Variants in LONP1 observed in about 807,000 individuals in gnomAD.
LONP1 encodes the protein lon protease homolog, mitochondrial.
LONP1 carries 31 observed loss-of-function variants against 98.5 expected under a neutral mutation model. The observed-to-expected ratio is 0.31, with a 90% CI of 0.24 to 0.42. LONP1 has a LOEUF of 0.42. Ranked by LOEUF, LONP1 falls within the 20% of genes least tolerant of loss-of-function variation. LONP1 has a pLI of 1.00. For synonymous variants in LONP1, 781 were observed against 594.7 expected, an observed-to-expected ratio of 1.31 and a Z score of -4.56; for missense variants, 1,336 against 1,350.6, an observed-to-expected ratio of 0.99 and a Z score of 0.17.
In LONP1 at chr19:5,711,752, G is replaced by A. The variant is rs2055240230; in HGVS notation, c.870+19C>T. ...TGGGGGAGGCAGCTGTGGCCGCCCT[G>A]CGTGACGCACGGACTCACTTTCACC... On this transcript the variant is annotated intron_variant, in intron 4 of 17. Coordinates refer to ENST00000360614, the MANE Select transcript of LONP1 (RefSeq NM_004793.4). 2 of 1,592,636 alleles carry A rather than the reference G, an allele frequency of 1.3e-6. No individual in the cohort carries two copies. The highest frequency in any genetic ancestry group is 8.6e-7 in the Non-Finnish European group (1 of 1,165,454).
In LONP1 at chr19:5,696,664, A is replaced by C. The variant is rs747368479; in HGVS notation, c.1773+6T>G. ...TTAGGGGGTCTCCGGGCCTCTCCGC[A>C]CGCACCTCGTCGATGAGGATCAGGG... On this transcript the variant is annotated splice_donor_region_variant and intron_variant, in intron 11 of 17. Transcript: ENST00000360614. The C allele has an allele frequency of 6.2e-7, 1 of 1,612,864 alleles. No individual in the cohort carries two copies. Among genetic ancestry groups the C allele is most frequent in the Admixed American group, 1.7e-5 (1 of 59,992 alleles).
rs1351014397 is a variant in LONP1 at position 5,716,253 on chromosome 19, AATATACATATATATATAT to A, written c.430-2000_430-1983del. ...ATTCTTTATTATATAATAAAGTTAA[AATATACATATATATATAT>A]ATATATATATATATATATATATATA... On this transcript the variant is annotated intron_variant, in intron 1 of 17. Coordinates refer to ENST00000360614, the MANE Select transcript of LONP1 (RefSeq NM_004793.4). 2.2e-4 allele frequency among the ~76,000 whole-genome samples: 16 copies of A among 71,730 alleles called. No homozygotes were observed. In the South Asian group the frequency reaches 2.3e-3, roughly 10 times the overall value. 47.1% of individuals were successfully genotyped at this position (71,730 alleles called of 152,430 possible). A position where few individuals can be genotyped will look rare whatever the true frequency, so the allele number is the denominator to read the frequency against.
rs116197957 is a variant in LONP1, at chr19:5,694,664, C to T, written c.2154+97G>A. The T allele has an allele frequency of 0.013, 20,723 of 1,562,186 alleles. 154 individuals carry two copies. Among genetic ancestry groups the T allele is most frequent in the Non-Finnish European group, 0.015 (17,612 of 1,148,022 alleles). On this transcript the variant is annotated intron_variant, in intron 14 of 17. Coordinates refer to ENST00000360614, the MANE Select transcript of LONP1 (RefSeq NM_004793.4). Reference sequence around the variant, plus strand: ...GGGCGCGGGGTGGTGGGGTGATGGGCGCAGGAAAGTGGGATGATGGGCATG... The same window carrying T: ...GGGCGCGGGGTGGTGGGGTGATGGGTGCAGGAAAGTGGGATGATGGGCATG...
In LONP1 at chr19:5,696,185, A is replaced by C. The variant is rs759124768; in HGVS notation, c.1897-15T>G. 1 of 1,612,778 alleles carries C rather than the reference A, an allele frequency of 6.2e-7. No individual in the cohort carries two copies. The highest frequency in any genetic ancestry group is 8.5e-7 in the Non-Finnish European group (1 of 1,179,800). ...ATGAACAGCACCTGGGGGCGGCGGC[A>C]AGGTGCTGGGGGACTGGCCGCTTAC... On this transcript the variant is annotated splice_polypyrimidine_tract_variant and intron_variant, in intron 12 of 17. Coordinates refer to ENST00000360614, the MANE Select transcript of LONP1 (RefSeq NM_004793.4).
rs1269536021 is a variant in LONP1, at chr19:5,691,925, C to G, written c.*107G>C. 4 of 1,315,800 alleles carry G rather than the reference C, an allele frequency of 3.0e-6. No individual in the cohort carries two copies. The Admixed American group carries it at 7.1e-5, about 23-fold the overall frequency. 81.5% of individuals were successfully genotyped at this position (1,315,800 alleles called of 1,614,324 possible). ...CTGGGATCTGGGTCACTGGACCGAG[C>G]TGCTCGCTCGGTGGCTCCACTGCCA... On this transcript the variant is annotated 3_prime_UTR_variant, in exon 18 of 18. Coordinates refer to ENST00000360614, the MANE Select transcript of LONP1 (RefSeq NM_004793.4).
intron 10 of LONP1, among the ~76,000 whole-genome samples, chr19:5,697,679 T>C (rs1478038246): frequency 6.6e-6 from 1 of 151,412 alleles, no homozygotes; most frequent in Non-Finnish European, 1.5e-5. Flanking sequence ...GTGGGAGCCC[T>C]GGAGAGCTGG....
At chr19:5,706,897 G>A (rs2055154229) in intron 7 of LONP1, among the ~76,000 whole-genome samples, 163 bp downstream of exon 7, 3 of 152,222 alleles carry the variant, frequency 2.0e-5, no homozygotes, top group Admixed American at 6.5e-5. Context: ...AGCCCAGGAC[G>A]ACAGAGCAGA....
At chr19:5,699,901 G>A (rs2055010665) in intron 9 of LONP1, among the ~76,000 whole-genome samples, 1 of 151,812 alleles carries the variant, frequency 6.6e-6, no homozygotes, top group African/African-American at 2.4e-5. Flanking sequence ...CTGCCTGCCT[G>A]GTTTCCAATG....
In LONP1 at chr19:5,705,801, G is replaced by A; in HGVS notation, c.1338C>T (p.Gly446=). Residue 446 remains glycine, a synonymous_variant, in exon 8 of 18, where the codon GGC becomes GGT. Transcript: ENST00000360614. ...DVVDEELSKL[G]LLDNHSSEFN... ...ACTCCGAGGAGTGGTTGTCCAGCAG[G>A]CCCAGCTTGCTCAGCTCCTCGTCCA... 1.2e-6 allele frequency: 2 copies of A among 1,614,000 alleles called. No homozygotes were observed. Among genetic ancestry groups the A allele is most frequent in the Non-Finnish European group, 1.7e-6 (2 of 1,180,028 alleles).
intron 8 of LONP1, among the ~76,000 whole-genome samples, chr19:5,704,273 G>A (rs768084015): frequency 7.9e-5 from 12 of 152,328 alleles, no homozygotes; most frequent in Middle Eastern, 3.4e-3. Context: ...GGACGGGCCC[G>A]GCCCACAGCG....
intron 3 of LONP1, 44 bp downstream of exon 3, chr19:5,713,090 G>A (rs2055262399): frequency 6.2e-7 from 1 of 1,612,706 alleles, no homozygotes; most frequent in Non-Finnish European, 8.5e-7. Flanking sequence ...TCTCCCGCGT[G>A]GTACTCTGCC....
chr19:5,696,997 A>C lies in LONP1; in HGVS notation c.1686-240T>G, dbSNP rs918784854. On this transcript the variant is annotated intron_variant, in intron 10 of 17. Transcript: ENST00000360614. ...ACTGATTCAAAGCCAGATCTCCCTC[A>C]GTCCCATCCCTCAGCTGACACCATG... 3.3e-5 allele frequency among the ~76,000 whole-genome samples: 5 copies of C among 152,290 alleles called. No individual in the cohort carries two copies. In the East Asian group the frequency reaches 5.8e-4, roughly 18 times the overall value.
rs568829891 is a variant in LONP1 at position 5,699,988 on chromosome 19, G to A, written c.1507-783C>T. Among the ~76,000 whole-genome samples the A allele has an allele frequency of 5.3e-5, 8 of 152,286 alleles. No homozygotes were observed. In the South Asian group the frequency reaches 1.7e-3, roughly 32 times the overall value. On this transcript the variant is annotated intron_variant, in intron 9 of 17. Transcript: ENST00000360614. ...AAGGTCTCGCTCTGTCACCCAGGCT[G>A]GAGTGTAGTGGTGCATCACAGCTCA...
chr19:5,707,638 G>C (rs1167672419), intron 6 of LONP1, 59 bp downstream of exon 6: 1 of 1,570,428 alleles, frequency 6.4e-7, no homozygotes, highest in Non-Finnish European at 8.7e-7. Context: ...CGTGGGCGGA[G>C]CATAGTGGAG....
chr19:5,706,019 C>T, intron 7 of LONP1, 27 bp from the exon 8 acceptor site: 6 of 1,570,198 alleles, frequency 3.8e-6, no homozygotes, highest in African/African-American at 1.3e-5. Flanking sequence ...TGCCATCAGG[C>T]CCTGGCTCCG....
intron 1 of LONP1, among the ~76,000 whole-genome samples, chr19:5,715,667 AAAAAAAAAAAAAG>A (rs1286609252): frequency 3.0e-5 from 4 of 132,868 alleles, no homozygotes; most frequent in Non-Finnish European, 6.6e-5. Context: ...AAAAAAAAAA[AAAAAAAAAAAAAG>A]AAAGTTTCAC....
chr19:5,701,872 T>C (rs938161463), intron 8 of LONP1, among the ~76,000 whole-genome samples: 4 of 148,412 alleles, frequency 2.7e-5, no homozygotes, highest in Admixed American at 2.7e-4. Context: ...CCGCCCATCA[T>C]CTGAGATGTG....
At chr19:5,700,188 A>C (rs377352787) in intron 9 of LONP1, among the ~76,000 whole-genome samples, 1 of 152,088 alleles carries the variant, frequency 6.6e-6, no homozygotes, top group Non-Finnish European at 1.5e-5. Context: ...ATCTGGGCTC[A>C]CTGCAACCTC....
At chr19:5,700,085 C>T (rs979332411) in intron 9 of LONP1, among the ~76,000 whole-genome samples, 5 of 151,870 alleles carry the variant, frequency 3.3e-5, no homozygotes, top group South Asian at 2.1e-4. Context: ...ACTGCAGACA[C>T]GCAACATCAC....
Sources: allele counts gnomAD v4.1 joint callset (sites outside exome capture counted in the v4.1 genomes callset), GRCh38; gene constraint gnomAD v4.1.1; transcripts MANE v1.5; gene names NCBI Gene and HGNC (gene_info 2026-07-23, HGNC 2026-07-21).